The following CCDC39 variants were observed in gnomAD, a reference collection of about 807,000 sequenced individuals.
CCDC39 encodes the protein coiled-coil domain-containing protein 39.
CCDC39 carries 113 observed loss-of-function variants against 121.0 expected under a neutral mutation model. The ratio of observed to expected loss-of-function variants is 0.93; its 90% CI spans 0.80 to 1.09. The LOEUF (loss-of-function observed/expected upper bound fraction) is 1.09, where lower values mean the gene tolerates loss of function less well. Among genes scored for constraint, CCDC39 ranks in the 50% least tolerant of loss-of-function variants. The pLI, the probability that CCDC39 is intolerant of heterozygous loss-of-function variation, is 0.00. For synonymous variants in CCDC39, 349 were observed against 352.2 expected, an observed-to-expected ratio of 0.99 and a Z score of 0.10; for missense variants, 1,063 against 1,074.7, an observed-to-expected ratio of 0.99 and a Z score of 0.15.
Position 180,657,173 on chromosome 3 carries a change from G to A in CCDC39, c.739-2220C>T, listed in dbSNP as rs553957736. 7.9e-5 allele frequency among the ~76,000 whole-genome samples: 12 copies of A among 152,284 alleles called. No homozygotes were observed. In the East Asian group the frequency reaches 1.7e-3, roughly 22 times the overall value. On this transcript the variant is annotated intron_variant, in intron 6 of 19. Transcript: ENST00000476379. ...TAGAAATCAGAAATCCTATAGATCAGGGGTTTTTTCAAAATGTGTTGTTTT... is the reference window on the plus strand; with the variant it reads ...TAGAAATCAGAAATCCTATAGATCAAGGGTTTTTTCAAAATGTGTTGTTTT...
intron 19 of CCDC39, 117 bp from the exon 20 acceptor site, chr3:180,615,194 A>G: frequency 2.9e-6 from 2 of 685,236 alleles, no homozygotes; most frequent in South Asian, 4.6e-5. Context: ...AAAAGTACAT[A>G]TTAATAGTGT....
chr3:180,656,759 C>A (rs1485379891), intron 6 of CCDC39, among the ~76,000 whole-genome samples: 1 of 152,158 alleles, frequency 6.6e-6, no homozygotes, highest in Non-Finnish European at 1.5e-5. Context: ...AAGAGAGTGA[C>A]CTCTGGTCAT....
At chr3:180,676,459 G>C in intron 1 of CCDC39, among the ~76,000 whole-genome samples, 1 of 152,232 alleles carries the variant, frequency 6.6e-6, no homozygotes, top group Non-Finnish European at 1.5e-5. Context: ...TCTCACACCA[G>C]TTAGAATGGC....
intron 6 of CCDC39, among the ~76,000 whole-genome samples, chr3:180,658,404 G>A (rs1028021775): frequency 2.6e-5 from 4 of 151,638 alleles, no homozygotes; most frequent in African/African-American, 9.7e-5. Flanking sequence ...GACCATCCTG[G>A]CTAACACACG....
chr3:180,660,651 G>A lies in CCDC39; in HGVS notation c.435C>T (p.Ala145=). 1 of 1,603,236 alleles carries A rather than the reference G, an allele frequency of 6.2e-7. No individual in the cohort carries two copies. ...QMNWDQQALE[A]WLEESAHKDS... ...CTTTATGAGCTGATTCTTCTAACCA[G>A]GCCTCCAATGCTTGCTGGTCCCAGT... Residue 145 remains alanine (A), a synonymous_variant, in exon 4 of 20, where the codon GCC becomes GCT. Coordinates refer to ENST00000476379, the MANE Select transcript of CCDC39 (RefSeq NM_181426.2).
intron 14 of CCDC39, among the ~76,000 whole-genome samples, chr3:180,630,213 C>T (rs1717662680): frequency 6.6e-6 from 1 of 152,060 alleles, no homozygotes; most frequent in Admixed American, 6.6e-5. Flanking sequence ...CAACATCTTC[C>T]GATTTCCCAA....
intron 8 of CCDC39, 107 bp downstream of exon 8, chr3:180,652,056 G>C: frequency 1.5e-6 from 1 of 675,666 alleles, no homozygotes; most frequent in South Asian, 2.0e-5. Flanking sequence ...AAAAGTAGTA[G>C]CTAAAATATT....
At chr3:180,672,578 C>A (rs1015318644) in intron 1 of CCDC39, among the ~76,000 whole-genome samples, 1 of 152,134 alleles carries the variant, frequency 6.6e-6, no homozygotes, top group Non-Finnish European at 1.5e-5. Context: ...TGGATGATGA[C>A]AGAATAAGGC....
intron 3 of CCDC39, 42 bp from the exon 4 acceptor site, chr3:180,660,770 A>G (rs1446640308): frequency 6.5e-7 from 1 of 1,543,036 alleles, no homozygotes; most frequent in Non-Finnish European, 8.8e-7. Context: ...ATTACAAAAC[A>G]TTACTTACTA....
At chr3:180,651,618 T>C (rs1718211049) in intron 8 of CCDC39, 85 bp from the exon 9 acceptor site, 1 of 1,304,380 alleles carries the variant, frequency 7.7e-7, no homozygotes, top group Admixed American at 3.3e-5. Context: ...CTAATATTTA[T>C]TTGTATAACT....
intron 13 of CCDC39, among the ~76,000 whole-genome samples, chr3:180,634,280 G>C (rs1435121354): frequency 6.6e-6 from 1 of 151,978 alleles, no homozygotes; most frequent in Non-Finnish European, 1.5e-5. Context: ...GCTATCCTCA[G>C]ATTAACCAAG....
At chr3:180,645,126 G>A (rs1376150946) in intron 11 of CCDC39, among the ~76,000 whole-genome samples, 2 of 152,084 alleles carry the variant, frequency 1.3e-5, no homozygotes, top group Admixed American at 6.6e-5. Context: ...AAATGGAGAT[G>A]AGGACAGTTT....
intron 1 of CCDC39, among the ~76,000 whole-genome samples, chr3:180,674,153 T>G (rs1039106546): frequency 1.3e-5 from 2 of 152,166 alleles, no homozygotes; most frequent in Admixed American, 6.5e-5. Flanking sequence ...TTTTATTTTG[T>G]TGAGCAGTGG....
chr3:180,668,074 C>A (rs1418759055), intron 1 of CCDC39, among the ~76,000 whole-genome samples: 2 of 152,122 alleles, frequency 1.3e-5, no homozygotes, highest in African/African-American at 4.8e-5. Flanking sequence ...CATGGCAACA[C>A]CCAGAAGTTA....
intron 14 of CCDC39, among the ~76,000 whole-genome samples, chr3:180,628,440 C>T (rs1332377292): frequency 6.6e-6 from 1 of 152,102 alleles, no homozygotes; most frequent in African/African-American, 2.4e-5. Flanking sequence ...ATCTCCTGAC[C>T]TCGTGATCCA....
Position 180,647,065 on chromosome 3 carries a change from T to C in CCDC39, c.1527+14A>G. 1 of 1,598,048 alleles carries C rather than the reference T, an allele frequency of 6.3e-7. No individual in the cohort carries two copies. Among genetic ancestry groups the C allele is most frequent in the Non-Finnish European group, 8.5e-7 (1 of 1,175,300 alleles). Reference sequence around the variant, plus strand: ...AGGATATTTGAAATATAAAATGTATTTTGGCTAAGTTACATGAAGCTTCTT... The same window carrying C: ...AGGATATTTGAAATATAAAATGTATCTTGGCTAAGTTACATGAAGCTTCTT... On this transcript the variant is annotated intron_variant, in intron 11 of 19. Coordinates refer to ENST00000476379, the MANE Select transcript of CCDC39 (RefSeq NM_181426.2).
At chr3:180,661,798 G>C in intron 3 of CCDC39, 63 bp downstream of exon 3, 1 of 1,424,372 alleles carries the variant, frequency 7.0e-7, no homozygotes, top group Non-Finnish European at 9.5e-7. Context: ...AAAAGTCAAT[G>C]CTCATTTGGT....
In CCDC39 at chr3:180,614,950, T is replaced by C. The variant is rs1173689494; in HGVS notation, c.2797A>G (p.Asn933Asp). 5.7e-6 allele frequency: 9 copies of C among 1,566,058 alleles called. No homozygotes were observed. Among genetic ancestry groups the C allele is most frequent in the Non-Finnish European group, 7.8e-6 (9 of 1,153,392 alleles). Residue 933 changes from asparagine (N) to aspartate (D), a missense_variant, in exon 20 of 20, where the codon AAT becomes GAT. Asn to Asp is a conservative substitution (Grantham distance 23). Transcript: ENST00000476379. The stretch of plus-strand genomic sequence containing the variant: ...TTGCTGCTCTTTTTGCTCTTAACAT[T>C]ACTAGAGCTACTACTAGCACTAGAT... ...RPSSASSSSS[N>D]VKSKKSSK
At chr3:180,621,207 A>T (rs1717423932) in intron 14 of CCDC39, among the ~76,000 whole-genome samples, 1 of 152,076 alleles carries the variant, frequency 6.6e-6, no homozygotes. Context: ...TGCTATTGTA[A>T]ACAGTGCTGC....
Sources: allele counts gnomAD v4.1 joint callset (sites outside exome capture counted in the v4.1 genomes callset), GRCh38; gene constraint gnomAD v4.1.1; transcripts MANE v1.5; gene names NCBI Gene and HGNC (gene_info 2026-07-23, HGNC 2026-07-21).